The following NYAP2 variants were observed in gnomAD, a reference collection of about 807,000 sequenced individuals.
NYAP2 encodes neuronal tyrosine-phosphorylated phosphoinositide-3-kinase adaptor 2.
Under a neutral mutation model 50.4 loss-of-function variants are expected in NYAP2, and 23 were observed. That is an observed-to-expected ratio of 0.46 (90% CI 0.33 to 0.65). NYAP2 has a LOEUF of 0.65. NYAP2 is among the 30% of genes least tolerant of loss of function. The probability of loss-of-function intolerance (pLI) is 0.02; values close to 1 mark genes in which losing one functional copy is unlikely to be tolerated. For synonymous variants in NYAP2, 394 were observed against 365.2 expected (o/e 1.08, Z -0.90); for missense variants, 885 against 861.0 (o/e 1.03, Z -0.35).
upstream of NYAP2, among the ~76,000 whole-genome samples, chr2:225,399,279 T>C (rs1056821036): frequency 2.6e-5 from 4 of 152,162 alleles, no homozygotes; most frequent in African/African-American, 9.6e-5. Flanking sequence ...TTAAAACATG[T>C]ACATTTTAGT....
intron 5 of NYAP2, among the ~76,000 whole-genome samples, chr2:225,596,542 C>T (rs1422976661): frequency 3.9e-5 from 6 of 152,112 alleles, no homozygotes. Context: ...TTGTAAATTT[C>T]CATGGTCCCT....
exon 7 of NYAP2, chr2:225,651,529 G>C: frequency 6.2e-7 from 1 of 1,613,968 alleles, no homozygotes. Flanking sequence ...ACCTGCAACA[G>C]AGCCAGGTAC....
intron 5 of NYAP2, among the ~76,000 whole-genome samples, chr2:225,593,997 T>C (rs1012406241): frequency 1.6e-4 from 25 of 152,202 alleles, no homozygotes; most frequent in Admixed American, 1.6e-3. Flanking sequence ...GGCAGATTTA[T>C]TGGAGGGAAA....
chr2:225,674,051 T>G, the NYAP2 span, among the ~76,000 whole-genome samples: 1 of 152,120 alleles, frequency 6.6e-6, no homozygotes, highest in Non-Finnish European at 1.5e-5. Context: ...CCACAAAGCT[T>G]GGAGTCTGAA....
At chr2:225,525,642 G>A (rs1691137477) in intron 4 of NYAP2, among the ~76,000 whole-genome samples, 1 of 152,074 alleles carries the variant, frequency 6.6e-6, no homozygotes, top group Non-Finnish European at 1.5e-5. Flanking sequence ...GATGGATGGT[G>A]GTGAGGGCTG....
At chr2:225,504,680 C>T (rs1360606765) in intron 3 of NYAP2, among the ~76,000 whole-genome samples, 1 of 151,952 alleles carries the variant, frequency 6.6e-6, no homozygotes, top group African/African-American at 2.4e-5. Flanking sequence ...GGTGAAATCT[C>T]CTACCAAGGA....
intron 3 of NYAP2, among the ~76,000 whole-genome samples, chr2:225,419,719 C>T (rs1695185922): frequency 6.6e-6 from 1 of 152,110 alleles, no homozygotes; most frequent in Admixed American, 6.6e-5. Context: ...ATTATTATTA[C>T]TGTTATTATT....
intron 4 of NYAP2, among the ~76,000 whole-genome samples, chr2:225,530,633 T>C (rs969317281): frequency 7.2e-5 from 11 of 152,220 alleles, no homozygotes; most frequent in Non-Finnish European, 1.5e-5. Context: ...CTGGCTCTCC[T>C]GTCTTCTCAC....
chr2:225,631,057 G>C (rs1355012076), intron 6 of NYAP2, among the ~76,000 whole-genome samples: 2 of 152,184 alleles, frequency 1.3e-5, no homozygotes, highest in African/African-American at 4.8e-5. Flanking sequence ...TAAACTAGGA[G>C]AGCAGGAAAT....
At chr2:225,429,551 C>A (rs1217170643) in intron 3 of NYAP2, among the ~76,000 whole-genome samples, 1 of 152,136 alleles carries the variant, frequency 6.6e-6, no homozygotes, top group East Asian at 1.9e-4. Flanking sequence ...AGCTAAAAAT[C>A]TCACTGTAAA....
intron 3 of NYAP2, among the ~76,000 whole-genome samples, chr2:225,445,978 A>G (rs1404179300): frequency 6.6e-6 from 1 of 152,036 alleles, no homozygotes; most frequent in East Asian, 1.9e-4. Flanking sequence ...TGTAAAACTC[A>G]TAGAGTTATT....
chr2:225,562,456 G>T (rs1691891636), intron 4 of NYAP2, among the ~76,000 whole-genome samples: 1 of 151,960 alleles, frequency 6.6e-6, no homozygotes, highest in African/African-American at 2.4e-5. Flanking sequence ...TTTATTTTCT[G>T]GTCTAAGTAC....
At chr2:225,507,253 T>A (rs1020822326) in intron 3 of NYAP2, among the ~76,000 whole-genome samples, 1 of 152,212 alleles carries the variant, frequency 6.6e-6, no homozygotes, top group Admixed American at 6.5e-5. Context: ...AATATTGACA[T>A]GTTTGCCTCA....
chr2:225,480,307 A>G (rs959451247), intron 3 of NYAP2, among the ~76,000 whole-genome samples: 5 of 152,120 alleles, frequency 3.3e-5, no homozygotes, highest in East Asian at 1.9e-4. Flanking sequence ...AGATTTATAT[A>G]TGTATACTAG....
chr2:225,432,290 C>T (rs1318351295), intron 3 of NYAP2, among the ~76,000 whole-genome samples: 1 of 151,254 alleles, frequency 6.6e-6, no homozygotes, highest in Non-Finnish European at 1.5e-5. Flanking sequence ...GCCACCGTAC[C>T]CGGCCAGCAA....
At chr2:225,450,629 G>A (rs1004816825) in intron 3 of NYAP2, among the ~76,000 whole-genome samples, 14 of 152,142 alleles carry the variant, frequency 9.2e-5, no homozygotes, top group Non-Finnish European at 2.1e-4. Flanking sequence ...ACTGTAAATG[G>A]GAATCTGATT....
chr2:225,574,117 G>A (rs1342795175), intron 4 of NYAP2, among the ~76,000 whole-genome samples: 2 of 152,202 alleles, frequency 1.3e-5, no homozygotes, highest in Non-Finnish European at 2.9e-5. Context: ...TCTAAGTCAC[G>A]CCCATGTGCA....
At chr2:225,420,096 T>C (rs1695192061) in intron 3 of NYAP2, among the ~76,000 whole-genome samples, 1 of 152,208 alleles carries the variant, frequency 6.6e-6, no homozygotes, top group Admixed American at 6.5e-5. Flanking sequence ...TTGTGCATAG[T>C]AGGTTATTAA....
intron 6 of NYAP2, among the ~76,000 whole-genome samples, chr2:225,647,208 G>T (rs1407645456): frequency 6.6e-6 from 1 of 152,084 alleles, no homozygotes; most frequent in Non-Finnish European, 1.5e-5. Context: ...GCTAGTCATG[G>T]CATGTATGGA....
Sources: gnomAD v4.1 joint callset for allele counts (sites outside exome capture counted in the v4.1 genomes callset) on GRCh38, gnomAD v4.1.1 for gene constraint, MANE v1.5 for transcripts, NCBI Gene and HGNC (gene_info 2026-07-23, HGNC 2026-07-21) for gene names.